The following TSNAXIP1 variants were observed in gnomAD, a reference collection of about 807,000 sequenced individuals.
The protein encoded by TSNAXIP1 is translin associated factor X interacting protein 1.
Under a neutral mutation model 84.8 loss-of-function variants are expected in TSNAXIP1, and 89 were observed. That is an observed-to-expected ratio of 1.05 (90% CI 0.88 to 1.25). TSNAXIP1 has a LOEUF of 1.25. Among genes scored for constraint, TSNAXIP1 ranks in the 50% most tolerant of loss-of-function variants. TSNAXIP1 has a pLI of 0.00. For missense variants in TSNAXIP1, 874 were observed against 887.6 expected (o/e 0.98, Z 0.20); for synonymous variants, 347 against 335.2 (o/e 1.04, Z -0.39).
intron 4 of TSNAXIP1, among the ~76,000 whole-genome samples, chr16:67,821,630 G>A (rs1036518264): frequency 2.0e-5 from 3 of 152,050 alleles, no homozygotes; most frequent in Non-Finnish European, 4.4e-5. Flanking sequence ...GACCTTCAGG[G>A]GAGACCCACC....
At chr16:67,821,058 C>T (rs1368798735) in intron 3 of TSNAXIP1, 41 bp from the exon 4 acceptor site, 6 of 1,611,684 alleles carry the variant, frequency 3.7e-6, no homozygotes, top group East Asian at 2.2e-5. Context: ...ACAAGGGCCC[C>T]GTGGGGGTGC....
chr16:67,823,854 T>TA (rs1165869381), intron 5 of TSNAXIP1, 135 bp downstream of exon 5: 6 of 631,630 alleles, frequency 9.5e-6, no homozygotes, highest in African/African-American at 1.9e-5. Context: ...CTGTCTCTAG[T>TA]AAAAACACAA....
Position 67,827,859 on chromosome 16 carries a change from C to T in TSNAXIP1, c.2005C>T (p.Pro669Ser), listed in dbSNP as rs1051130762. ...NTYMSQAFQL[P>S]ESEMPEEGDE... ...CTACATGAGCCAGGCCTTCCAGCTCCCTGAGTCGGAAATGCCAGAGGAGGG... is the reference window on the plus strand; with the variant it reads ...CTACATGAGCCAGGCCTTCCAGCTCTCTGAGTCGGAAATGCCAGAGGAGGG... The change falls in exon 16 of 16, where the codon CCT becomes TCT. Residue 669 changes from proline (P) to serine (S), a missense_variant. Coordinates refer to ENST00000561639, the MANE Select transcript of TSNAXIP1 (RefSeq NM_001288990.3). 2.5e-6 allele frequency: 4 copies of T among 1,613,996 alleles called. No homozygotes were observed. The highest frequency in any genetic ancestry group is 2.5e-6 in the Non-Finnish European group (3 of 1,180,028).
At position 67,827,353 on chromosome 16, in the gene TSNAXIP1, A is replaced by G. The variant is rs1443999780; in HGVS notation, c.1769A>G (p.Asn590Ser). The G allele has an allele frequency of 6.2e-7, 1 of 1,613,954 alleles. No homozygotes were observed. The highest frequency in any genetic ancestry group is 2.2e-5 in the East Asian group (1 of 44,876). ...AGCAGCAGCAATGCAGACTTGCTCA[A>G]CTACCGCTCACTGTTTATGGAGGTG... ...HPSSSNADLL[N>S]YRSLFMEDEE... Residue 590 changes from asparagine to serine, a missense_variant, in exon 14 of 16, where the codon AAC becomes AGC. By Grantham distance (46) the Asn-to-Ser change is conservative. Transcript: ENST00000561639.
At chr16:67,823,232 A>C (rs2151250941) in intron 4 of TSNAXIP1, among the ~76,000 whole-genome samples, 1 of 152,320 alleles carries the variant, frequency 6.6e-6, no homozygotes, top group Middle Eastern at 3.4e-3. Flanking sequence ...TCATGCTGGA[A>C]TACTGCTAAG....
Position 67,826,789 on chromosome 16 carries a change from A to C in TSNAXIP1, c.1499A>C (p.Lys500Thr). The C allele has an allele frequency of 6.2e-7, 1 of 1,614,122 alleles. No individual in the cohort carries two copies. Among genetic ancestry groups the C allele is most frequent in the Non-Finnish European group, 8.5e-7 (1 of 1,180,024 alleles). Residue 500 changes from lysine (K) to threonine (T), a missense_variant, in exon 12 of 16, where the codon AAG (lysine) becomes ACG (threonine). Coordinates refer to ENST00000561639, the MANE Select transcript of TSNAXIP1 (RefSeq NM_001288990.3). ...AWAYTIFENI[K>T]IFHSNEVMSQ... ...GCTTATACTATTTTTGAAAATATCA[A>C]GATCTTCCACTCCAACGAGGTTATG... is the stretch of plus-strand genomic sequence containing the variant.
intron 2 of TSNAXIP1, among the ~76,000 whole-genome samples, chr16:67,818,305 A>G (rs914677763): frequency 1.3e-5 from 2 of 152,232 alleles, no homozygotes; most frequent in Non-Finnish European, 2.9e-5. Flanking sequence ...GCTTGAGACC[A>G]GGAGTTTGAG....
rs551155731 is a variant in TSNAXIP1, at chr16:67,807,191, G to T, written c.42G>T (p.Ala14=). The T allele has an allele frequency of 6.5e-7, 1 of 1,535,976 alleles. No individual in the cohort carries two copies. The highest frequency in any genetic ancestry group is 1.4e-5 in the African/African-American group (1 of 73,130). Residue 14 remains alanine, a synonymous_variant, in exon 1 of 16, where the codon GCG becomes GCT. Transcript: ENST00000561639. ...QQSRYHSFSS[A]SRLQPRPSGV... ...CGCGGTACCACAGCTTCTCGTCCGCGTCGAGGTAGGCGCTGGCAGGGATGA... is the reference window on the plus strand; with the variant it reads ...CGCGGTACCACAGCTTCTCGTCCGCTTCGAGGTAGGCGCTGGCAGGGATGA...
Position 67,821,230 on chromosome 16 carries a change from G to A in TSNAXIP1, c.387+5G>A. 3 of 1,516,106 alleles carry A rather than the reference G, an allele frequency of 2.0e-6. No individual in the cohort carries two copies. Among genetic ancestry groups the A allele is most frequent in the Non-Finnish European group, 2.7e-6 (3 of 1,120,242 alleles). The allele number at this position is 1,516,106 out of a possible 1,614,324, so 93.9% of individuals were successfully genotyped here. On this transcript the variant is annotated splice_donor_5th_base_variant and intron_variant, in intron 4 of 15. Coordinates refer to ENST00000561639, the MANE Select transcript of TSNAXIP1 (RefSeq NM_001288990.3). ...ACCCAGGAACTAAGGCTGCAGGTCA[G>A]AGCCACAGAAGAAACTTGGGGAGGG...
rs2057588528 is a variant in TSNAXIP1 at position 67,827,831 on chromosome 16, C to T, written c.1977C>T (p.Asn659=). 6.2e-7 allele frequency: 1 copy of T among 1,614,150 alleles called. No homozygotes were observed. Among genetic ancestry groups the T allele is most frequent in the Non-Finnish European group, 8.5e-7 (1 of 1,180,042 alleles). Residue 659 remains asparagine (N), a synonymous_variant, in exon 16 of 16, where the codon AAC becomes AAT. Transcript: ENST00000561639. ...CCAGCCTGGACAAGCAGACAGTGAA[C>T]ACCTACATGAGCCAGGCCTTCCAGC... is the stretch of plus-strand genomic sequence containing the variant. ...IDPSLDKQTV[N]TYMSQAFQLP... is the part of the protein sequence containing the mutation.
intron 2 of TSNAXIP1, among the ~76,000 whole-genome samples, chr16:67,815,713 G>A (rs1450522102): frequency 4.6e-5 from 7 of 151,746 alleles, no homozygotes; most frequent in Non-Finnish European, 8.8e-5. Context: ...TGCCCAAGCT[G>A]GTCTTGAACT....
At chr16:67,814,831 C>CT in intron 2 of TSNAXIP1, among the ~76,000 whole-genome samples, 1 of 152,124 alleles carries the variant, frequency 6.6e-6, no homozygotes, top group Non-Finnish European at 1.5e-5. Flanking sequence ...GCCCTAGAAT[C>CT]TAACAGGCTA....
intron 1 of TSNAXIP1, among the ~76,000 whole-genome samples, chr16:67,808,023 C>G (rs953069060): frequency 1.3e-5 from 2 of 152,172 alleles, no homozygotes; most frequent in Non-Finnish European, 1.5e-5. Context: ...CAGACAGGGC[C>G]CTTCAAGTTC....
rs762748949 is a variant in TSNAXIP1, at chr16:67,826,066, C to A, written c.1134C>A (p.Thr378=). The part of the protein sequence containing the change: ...QRTSTPRPDW[T]KCKDVVAGGP... ...CTTCCACGCCGCGGCCTGACTGGACCAAGTGCAAAGGTGAGGGCAGCCGGC... is the reference window on the plus strand; with the variant it reads ...CTTCCACGCCGCGGCCTGACTGGACAAAGTGCAAAGGTGAGGGCAGCCGGC... The change falls in exon 9 of 16, where the codon ACC becomes ACA. Residue 378 remains threonine (T), a synonymous_variant. Coordinates refer to ENST00000561639, the MANE Select transcript of TSNAXIP1 (RefSeq NM_001288990.3). 73 of 1,613,436 alleles carry A rather than the reference C, an allele frequency of 4.5e-5. No individual in the cohort carries two copies. Among genetic ancestry groups the A allele is most frequent in the Non-Finnish European group, 5.9e-5 (70 of 1,180,038 alleles).
At chr16:67,827,129 G>T in intron 13 of TSNAXIP1, 57 bp downstream of exon 13, 1 of 1,606,952 alleles carries the variant, frequency 6.2e-7, no homozygotes, top group South Asian at 1.1e-5. Context: ...TGCATCTGTA[G>T]GGAAAAGGGG....
rs561529036 is a variant in TSNAXIP1 at position 67,815,313 on chromosome 16, CAAAAAAAAAAAA to C, written c.147+924_147+935del. Among the ~76,000 whole-genome samples the C allele has an allele frequency of 9.8e-3, 493 of 50,052 alleles. 2 individuals are homozygous for C. The highest frequency in any genetic ancestry group is 0.053 in the Middle Eastern group (6 of 114). The allele number at this position is 50,052 out of a possible 152,430, so 32.8% of individuals were successfully genotyped here. A position where few individuals can be genotyped will look rare whatever the true frequency, so the allele number is the denominator to read the frequency against. ...TGGACAACAGAGCAAGACTACATCTCAAAAAAAAAAAAAAAAAAAAAAAGAATGCCATCTTTT... is the reference window on the plus strand; with the variant it reads ...TGGACAACAGAGCAAGACTACATCTCAAAAAAAAAAAGAATGCCATCTTTT... On this transcript the variant is annotated intron_variant, in intron 2 of 15. Coordinates refer to ENST00000561639, the MANE Select transcript of TSNAXIP1 (RefSeq NM_001288990.3).
chr16:67,825,303 C>A, intron 7 of TSNAXIP1, 31 bp downstream of exon 7: 1 of 1,612,412 alleles, frequency 6.2e-7, no homozygotes, highest in Non-Finnish European at 8.5e-7. Flanking sequence ...GGGTTTCTCT[C>A]TTCTCTGAGA....
At chr16:67,812,157 A>T (rs1417294707) in intron 1 of TSNAXIP1, among the ~76,000 whole-genome samples, 1 of 151,886 alleles carries the variant, frequency 6.6e-6, no homozygotes, top group Non-Finnish European at 1.5e-5. Context: ...TGGCAACATA[A>T]ATCACACACC....
At chr16:67,822,538 A>T (rs961547296) in intron 4 of TSNAXIP1, among the ~76,000 whole-genome samples, 2 of 151,496 alleles carry the variant, frequency 1.3e-5, no homozygotes, top group Non-Finnish European at 1.5e-5. Flanking sequence ...TTAAGGAACC[A>T]GCACAGATGC....
Sources: gnomAD v4.1 joint callset for allele counts (sites outside exome capture counted in the v4.1 genomes callset) on GRCh38, gnomAD v4.1.1 for gene constraint, MANE v1.5 for transcripts, NCBI Gene and HGNC (gene_info 2026-07-23, HGNC 2026-07-21) for gene names.